C7: variants seen among roughly 807,000 people sequenced by gnomAD.
C7 encodes complement C7.
In C7, 83 loss-of-function variants were observed where a neutral mutation model predicts 104.8. The observed-to-expected ratio is 0.79, with a 90% CI of 0.66 to 0.95. The LOEUF (loss-of-function observed/expected upper bound fraction) is 0.95. C7 is among the 40% of genes least tolerant of loss of function. The pLI is 0.00. For synonymous variants in C7, 415 were observed against 360.6 expected (o/e 1.15, Z -1.71); for missense variants, 1,070 against 1,011.2 (o/e 1.06, Z -0.79).
At chr5:40,956,283 T>A (rs1365884392) in intron 10 of C7, among the ~76,000 whole-genome samples, 1 of 152,220 alleles carries the variant, frequency 6.6e-6, no homozygotes, top group Non-Finnish European at 1.5e-5. Context: ...TTTTGGAAGG[T>A]TTACGGCTTG....
intron 1 of C7, among the ~76,000 whole-genome samples, chr5:40,918,209 A>G (rs1035973152): frequency 6.6e-6 from 1 of 152,046 alleles, no homozygotes; most frequent in Non-Finnish European, 1.5e-5. Flanking sequence ...TTCAAAAAAA[A>G]TTAGCTGGAT....
chr5:40,938,215 C>T (rs555026129), intron 6 of C7, among the ~76,000 whole-genome samples: 110 of 152,238 alleles, frequency 7.2e-4, no homozygotes, highest in African/African-American at 2.5e-3. Context: ...GATCACATCC[C>T]TCTCACTCCT....
chr5:40,964,797 A>G lies in C7; in HGVS notation c.1806A>G (p.Gly602=), dbSNP rs1579868903. 3 of 1,613,082 alleles carry G rather than the reference A, an allele frequency of 1.9e-6. No individual in the cohort carries two copies. Among genetic ancestry groups the G allele is most frequent in the African/African-American group, 1.3e-5 (1 of 75,038 alleles). The change falls in exon 14 of 18, where the codon GGA becomes GGG. Residue 602 remains glycine, a synonymous_variant. Transcript: ENST00000313164. The stretch of plus-strand genomic sequence containing the variant: ...ATGTAGTGTACACTTGCAATGAAGG[A>G]TACTCTCTTATTGGAAACCCAGTGG... ...GKNVVYTCNE[G]YSLIGNPVAR...
intron 2 of C7, 91 bp from the exon 3 acceptor site, chr5:40,930,973 T>G: frequency 1.2e-6 from 1 of 864,498 alleles, no homozygotes; most frequent in Non-Finnish European, 1.9e-6. Flanking sequence ...TGAGGCAACA[T>G]TTAACTATTT....
At chr5:40,925,669 G>A (rs1276656935) in intron 1 of C7, among the ~76,000 whole-genome samples, 1 of 152,146 alleles carries the variant, frequency 6.6e-6, no homozygotes, top group Non-Finnish European at 1.5e-5. Context: ...ATAAAGAAAA[G>A]AGGTTTAATT....
chr5:40,966,883 T>A (rs1740566798), intron 14 of C7, among the ~76,000 whole-genome samples: 1 of 152,106 alleles, frequency 6.6e-6, no homozygotes, highest in Non-Finnish European at 1.5e-5. Flanking sequence ...TCTCTTTCTC[T>A]TGGAATCCTT....
rs952127688 is a variant in C7 at position 40,982,991 on chromosome 5, GT to G, written c.*1420del. ...TTAGAGAAGATTTTCATGATGAATG[GT>G]TAATGTGTTCTTGCCTGAAGTTTTA... is the stretch of plus-strand genomic sequence containing the variant. On this transcript the variant is annotated 3_prime_UTR_variant, in exon 18 of 18. Transcript: ENST00000313164. The G allele has an allele frequency of 2.6e-4, 40 of 152,440 alleles. No homozygotes were observed. Among genetic ancestry groups the G allele is most frequent in the African/African-American group, 9.1e-4 (38 of 41,576 alleles). The allele number at this position is 152,440 out of a possible 1,614,324, so 9.4% of individuals were successfully genotyped here. A position where few individuals can be genotyped will look rare whatever the true frequency, so the allele number is the denominator to read the frequency against.
chr5:40,923,474 G>A (rs1579840374), intron 1 of C7, among the ~76,000 whole-genome samples: 1 of 152,104 alleles, frequency 6.6e-6, no homozygotes, highest in East Asian at 1.9e-4. Flanking sequence ...GTCCAGGTGT[G>A]GTGGCTCCCG....
intron 9 of C7, among the ~76,000 whole-genome samples, chr5:40,952,185 A>T (rs895971206): frequency 1.4e-4 from 21 of 152,242 alleles, no homozygotes; most frequent in African/African-American, 4.6e-4. Flanking sequence ...ATTTTAAGTG[A>T]TGTACAAAAA....
chr5:40,949,764 A>G, intron 8 of C7, 140 bp from the exon 9 acceptor site: 1 of 631,096 alleles, frequency 1.6e-6, no homozygotes, highest in Non-Finnish European at 2.8e-6. Flanking sequence ...CTTCTAGAGC[A>G]CTTGAAAATG....
intron 9 of C7, among the ~76,000 whole-genome samples, chr5:40,954,682 G>T (rs570014036): frequency 6.6e-6 from 1 of 151,538 alleles, no homozygotes; most frequent in Non-Finnish European, 1.5e-5. Context: ...CCAGGAGTTC[G>T]AGACCAGTCT....
intron 10 of C7, among the ~76,000 whole-genome samples, chr5:40,957,657 G>A (rs1289348315): frequency 2.6e-5 from 4 of 151,898 alleles, no homozygotes; most frequent in Non-Finnish European, 5.9e-5. Flanking sequence ...GTTTCTCCAT[G>A]TTGGTCAGGC....
intron 1 of C7, chr5:40,911,065 A>T (rs1739197875): frequency 6.6e-6 from 1 of 152,206 alleles, no homozygotes; most frequent in African/African-American, 2.4e-5. Flanking sequence ...AATTTTACAT[A>T]TAGGGGCTTT....
chr5:40,973,741 A>G (rs1740750260), intron 15 of C7, among the ~76,000 whole-genome samples: 1 of 152,266 alleles, frequency 6.6e-6, no homozygotes, highest in Non-Finnish European at 1.5e-5. Flanking sequence ...AATTCTAAAA[A>G]TGAAAGAGAA....
chr5:40,968,557 TTATATATATTTTA>T lies in C7; in HGVS notation c.1882+3694_1882+3706del, dbSNP rs1425027964. ...AATTTTATTTTTCAACTTAAAACAA[TTATATATATTTTA>T]TATATATATATATATATATATATAT... On this transcript the variant is annotated intron_variant, in intron 14 of 17. Transcript: ENST00000313164. Among the ~76,000 whole-genome samples the T allele has an allele frequency of 4.4e-3, 482 of 110,762 alleles. 3 individuals carry two copies. The highest frequency in any genetic ancestry group is 9.6e-3 in the Middle Eastern group (2 of 208). 72.7% of individuals were successfully genotyped at this position (110,762 alleles called of 152,430 possible). A position where few individuals can be genotyped will look rare whatever the true frequency, so the allele number is the denominator to read the frequency against.
chr5:40,934,344 C>T lies in C7; in HGVS notation c.158C>T (p.Ala53Val), dbSNP rs572296590. ...GTTTAGACTCGCAGGCGGTCAGTTG[C>T]TGTGTATGGGCAGTATGGAGGCCAG... ...TKTQTRRRSV[A>V]VYGQYGGQPC... The change falls in exon 4 of 18, where the codon GCT becomes GTT. Residue 53 changes from alanine to valine, a missense_variant. Physicochemically the swap from Ala to Val is moderately conservative, Grantham distance 64 (BLOSUM62 0). Transcript: ENST00000313164. The T allele has an allele frequency of 8.1e-6, 13 of 1,604,938 alleles. No homozygotes were observed. In the African/African-American group the frequency reaches 1.6e-4, roughly 20 times the overall value.
At chr5:40,970,300 C>A (rs141258331) in intron 14 of C7, among the ~76,000 whole-genome samples, 1 of 152,064 alleles carries the variant, frequency 6.6e-6, no homozygotes, top group African/African-American at 2.4e-5. Flanking sequence ...AGAATATTGT[C>A]CAAAGTCCAT....
Position 40,958,190 on chromosome 5 carries a change from G to T in C7, c.1418G>T (p.Cys473Phe). The change falls in exon 11 of 18, where the codon TGT becomes TTT. Residue 473 changes from cysteine (C) to phenylalanine (F), a missense_variant. Physicochemically the swap from Cys to Phe is radical, Grantham distance 205 (BLOSUM62 -2). Transcript: ENST00000313164. ...TTGGCTACTGTTGAGGGGACCCATT[G>T]TCTGTGCCATTGCAAACCGTACACA... ...GGLATVEGTH[C>F]LCHCKPYTFG... 6.2e-7 allele frequency: 1 copy of T among 1,613,760 alleles called. No homozygotes were observed. Among genetic ancestry groups the T allele is most frequent in the Non-Finnish European group, 8.5e-7 (1 of 1,179,716 alleles).
chr5:40,965,889 C>A (rs1740540513), intron 14 of C7, among the ~76,000 whole-genome samples: 1 of 151,686 alleles, frequency 6.6e-6, no homozygotes, highest in Non-Finnish European at 1.5e-5. Context: ...GCAATCCACC[C>A]ATCTTGGCCT....
Sources: gnomAD v4.1 joint callset for allele counts (sites outside exome capture counted in the v4.1 genomes callset) on GRCh38, gnomAD v4.1.1 for gene constraint, MANE v1.5 for transcripts, NCBI Gene and HGNC (gene_info 2026-07-23, HGNC 2026-07-21) for gene names.